VIPR1: variants seen among roughly 807,000 people sequenced by gnomAD.
VIPR1 encodes vasoactive intestinal polypeptide receptor 1.
VIPR1 carries 59 observed loss-of-function variants against 58.8 expected under a neutral mutation model. The ratio of observed to expected loss-of-function variants is 1.00; its 90% confidence interval spans 0.81 to 1.25. VIPR1 has a LOEUF of 1.25. VIPR1 is among the 50% of genes most tolerant of loss of function. The probability of loss-of-function intolerance (pLI) is 0.00; values close to 1 mark genes in which losing one functional copy is unlikely to be tolerated. For missense variants in VIPR1, 626 were observed against 602.7 expected (o/e 1.04, Z -0.40); for synonymous variants, 251 against 242.1 (o/e 1.04, Z -0.34).
chr3:42,536,347 G>C lies in VIPR1; in HGVS notation c.*66G>C, dbSNP rs1229222494. 1.4e-6 allele frequency: 2 copies of C among 1,436,950 alleles called. No individual in the cohort carries two copies. The highest frequency in any genetic ancestry group is 2.6e-5 in the East Asian group (1 of 39,076). 89.0% of individuals were successfully genotyped at this position (1,436,950 alleles called of 1,614,324 possible). A position where few individuals can be genotyped will look rare whatever the true frequency, so the allele number is the denominator to read the frequency against. ...CTTCCCACTCACCCCGGCAGACGCC[G>C]GGGACAGAGGCCTGCCCGGGCGCGG... On this transcript the variant is annotated 3_prime_UTR_variant, in exon 13 of 13. Coordinates refer to ENST00000325123, the MANE Select transcript of VIPR1 (RefSeq NM_004624.4).
At chr3:42,511,536 CAGAAGAGA>C (rs1338259977) in intron 1 of VIPR1, among the ~76,000 whole-genome samples, 12 of 152,118 alleles carry the variant, frequency 7.9e-5, no homozygotes, top group Non-Finnish European at 1.8e-4. Flanking sequence ...GACATGGCAC[CAGAAGAGA>C]GTAAAGGATG....
Position 42,527,984 on chromosome 3 carries a change from C to T in VIPR1, c.504-7C>T. ...TTTGGCCTCCCAGATCTGCCCACCC[C>T]ACACAGGAAGCTCCACTGCACGCGG... On this transcript the variant is annotated splice_polypyrimidine_tract_variant and splice_region_variant and intron_variant, in intron 5 of 12. Transcript: ENST00000325123. 6.2e-7 allele frequency: 1 copy of T among 1,613,604 alleles called. No individual in the cohort carries two copies. Among genetic ancestry groups the T allele is most frequent in the Non-Finnish European group, 8.5e-7 (1 of 1,179,696 alleles).
chr3:42,530,434 T>A, intron 6 of VIPR1: 1 of 230,316 alleles, frequency 4.3e-6, no homozygotes, highest in South Asian at 8.3e-5. Flanking sequence ...GATAAATGAG[T>A]GAGTTGATAG....
At chr3:42,532,007 C>A in intron 9 of VIPR1, 138 bp downstream of exon 9, 1 of 1,018,146 alleles carries the variant, frequency 9.8e-7, no homozygotes, top group Non-Finnish European at 1.5e-6. Flanking sequence ...GGATCATCCC[C>A]ACCCCTGTCC....
intron 2 of VIPR1, among the ~76,000 whole-genome samples, chr3:42,514,232 G>A (rs1005708016): frequency 3.9e-5 from 6 of 152,148 alleles, no homozygotes; most frequent in African/African-American, 1.2e-4. Context: ...GGGCAGGCAG[G>A]TTCCAGGACC....
At chr3:42,530,958 G>T in intron 7 of VIPR1, 26 bp downstream of exon 7, 2 of 1,612,426 alleles carry the variant, frequency 1.2e-6, no homozygotes, top group Non-Finnish European at 1.7e-6. Flanking sequence ...GGGCTTCCAG[G>T]CTGGGGACAG....
At chr3:42,515,003 C>A (rs189034078) in intron 2 of VIPR1, among the ~76,000 whole-genome samples, 26 of 152,322 alleles carry the variant, frequency 1.7e-4, no homozygotes, top group African/African-American at 5.8e-4. Flanking sequence ...AGGTTCAAGT[C>A]TTACTGCCAG....
At chr3:42,493,503 T>C (rs191847000) in intron 1 of VIPR1, among the ~76,000 whole-genome samples, 31 of 152,342 alleles carry the variant, frequency 2.0e-4, no homozygotes, top group African/African-American at 7.5e-4. Context: ...GAGGCCTTTA[T>C]GCTGGATACC....
intron 1 of VIPR1, chr3:42,492,633 G>A (rs1323854496): frequency 1.3e-5 from 2 of 152,324 alleles, no homozygotes; most frequent in African/African-American, 4.8e-5. Flanking sequence ...CTGCAGAGGA[G>A]GGTGGAGGCT....
rs550310753 is a variant in VIPR1, at chr3:42,532,035, G to C, written c.918+166G>C. 740 of 938,244 alleles carry C rather than the reference G, an allele frequency of 7.9e-4. 9 individuals are homozygous for C. In the South Asian group the frequency reaches 0.011, roughly 14 times the overall value. 58.1% of individuals were successfully genotyped at this position (938,244 alleles called of 1,614,324 possible). On this transcript the variant is annotated intron_variant, in intron 9 of 12. Transcript: ENST00000325123. ...CCCTGTCCTACCAGTTCTTCCTTGA[G>C]CGTAAGCGGATTGGGAGCACAGTCC...
chr3:42,498,682 C>T (rs1699811438), upstream of VIPR1, among the ~76,000 whole-genome samples: 1 of 152,128 alleles, frequency 6.6e-6, no homozygotes, highest in Admixed American at 6.5e-5. Flanking sequence ...ACTTGGTTTT[C>T]TTCCTAGATG....
chr3:42,510,930 G>A (rs894472600), intron 1 of VIPR1, among the ~76,000 whole-genome samples: 7 of 152,024 alleles, frequency 4.6e-5, no homozygotes, highest in South Asian at 2.1e-4. Flanking sequence ...AATCCTAGGC[G>A]CCCATGGTGA....
chr3:42,519,302 C>T lies in VIPR1; in HGVS notation c.264C>T (p.Leu88=). ...AGGTAGTTGTCTTGGCCTGTCCCCT[C>T]ATCTTCAAGCTCTTCTCCTCCATTC... is the stretch of plus-strand genomic sequence containing the variant. ...RGQVVVLACP[L]IFKLFSSIQG... Residue 88 remains leucine (L), a synonymous_variant, in exon 3 of 13, where the codon CTC becomes CTT. Coordinates refer to ENST00000325123, the MANE Select transcript of VIPR1 (RefSeq NM_004624.4). 6.2e-7 allele frequency: 1 copy of T among 1,610,326 alleles called. No individual in the cohort carries two copies. The highest frequency in any genetic ancestry group is 8.5e-7 in the Non-Finnish European group (1 of 1,178,282).
intron 1 of VIPR1, among the ~76,000 whole-genome samples, chr3:42,507,523 C>T (rs1577205693): frequency 6.6e-6 from 1 of 152,224 alleles, no homozygotes; most frequent in Non-Finnish European, 1.5e-5. Context: ...CTTGTGGCTG[C>T]CTGTGCTGGA....
In VIPR1 at chr3:42,519,149, C is replaced by T. The variant is rs1700783067; in HGVS notation, c.185-74C>T. ...GCAGAGGGAGGAAGAGAGTGGGTGCCTATGGCCTCAGGCCCCAGGGCTGGA... is the reference window on the plus strand; with the variant it reads ...GCAGAGGGAGGAAGAGAGTGGGTGCTTATGGCCTCAGGCCCCAGGGCTGGA... On this transcript the variant is annotated intron_variant, in intron 2 of 12. Transcript: ENST00000325123. 4 of 1,257,016 alleles carry T rather than the reference C, an allele frequency of 3.2e-6. 1 individual carries two copies. Among genetic ancestry groups the T allele is most frequent in the South Asian group, 3.4e-5 (2 of 58,750 alleles). The allele number at this position is 1,257,016 out of a possible 1,614,324, so 77.9% of individuals were successfully genotyped here.
chr3:42,504,762 G>GT (rs1273066987), intron 1 of VIPR1, among the ~76,000 whole-genome samples: 2 of 144,860 alleles, frequency 1.4e-5, no homozygotes, highest in African/African-American at 5.6e-5. Flanking sequence ...TGACGGCGGG[G>GT]TGGGGGGGCG....
chr3:42,517,446 T>A (rs1255298973), intron 2 of VIPR1, among the ~76,000 whole-genome samples: 1 of 152,104 alleles, frequency 6.6e-6, no homozygotes, highest in East Asian at 1.9e-4. Flanking sequence ...TCCAGAGCAG[T>A]CCTAGTCCCT....
chr3:42,521,461 G>A (rs1246948211), intron 3 of VIPR1: 1 of 152,214 alleles, frequency 6.6e-6, no homozygotes, highest in Non-Finnish European at 1.5e-5. Context: ...AGATGAAGAA[G>A]TTGTGGGCAA....
chr3:42,500,689 A>C (rs1699850391), upstream of VIPR1, among the ~76,000 whole-genome samples: 1 of 152,200 alleles, frequency 6.6e-6, no homozygotes, highest in Admixed American at 6.5e-5. Context: ...GACGGGGTAC[A>C]CAGGGTCATA....
Sources: gnomAD v4.1 joint callset for allele counts (sites outside exome capture counted in the v4.1 genomes callset) on GRCh38, gnomAD v4.1.1 for gene constraint, MANE v1.5 for transcripts, NCBI Gene and HGNC (gene_info 2026-07-23, HGNC 2026-07-21) for gene names.